RPH3AL: variants seen among roughly 807,000 people sequenced by gnomAD.
RPH3AL encodes the protein rabphilin 3A like (without C2 domains).
Under a neutral mutation model 43.1 loss-of-function variants are expected in RPH3AL, and 38 were observed. That is an observed-to-expected ratio of 0.88 (90% CI 0.68 to 1.15). The LOEUF is 1.15. RPH3AL is among the 50% of genes most tolerant of loss of function. The pLI, the probability that RPH3AL is intolerant of heterozygous loss-of-function variation, is 0.00. For synonymous variants in RPH3AL, 189 were observed against 176.3 expected, an observed-to-expected ratio of 1.07 and a Z score of -0.57; for missense variants, 462 against 423.2, an observed-to-expected ratio of 1.09 and a Z score of -0.81.
rs908736000 is a variant in RPH3AL, at chr17:333,644, G to A, written c.-37+115C>T. 2.7e-5 allele frequency: 6 copies of A among 223,580 alleles called. No individual in the cohort carries two copies. The highest frequency in any genetic ancestry group is 9.8e-5 in the East Asian group (1 of 10,158). The allele number at this position is 223,580 out of a possible 1,614,324, so 13.8% of individuals were successfully genotyped here. On this transcript the variant is annotated intron_variant, in intron 2 of 9. Transcript: ENST00000331302. This position sits in a 1 kb window ranked among gnomAD's most constrained non-coding sequence, Gnocchi z 4.5. ...ACATGGATTGTTTCCAATTTTGCTC[G>A]ATTATATGCAGCACTGAAATGGACA...
chr17:321,382 C>T lies in RPH3AL; in HGVS notation c.111G>A (p.Gln37=). 6.2e-7 allele frequency: 1 copy of T among 1,611,094 alleles called. No homozygotes were observed. Among genetic ancestry groups the T allele is most frequent in the South Asian group, 1.1e-5 (1 of 91,078 alleles). ...GCTGCTTCCTCCTCTGCTTCTCCGT[C>T]TGGTAGGTGTGCACGGACCAGCCCG... ...LQTGWSVHTY[Q]TEKQRRKQHL... Residue 37 remains glutamine (Q), a synonymous_variant, in exon 4 of 10, where the codon CAG becomes CAA. Transcript: ENST00000331302.
intron 7 of RPH3AL, among the ~76,000 whole-genome samples, chr17:238,246 C>A (rs1257900556): frequency 6.9e-6 from 1 of 144,714 alleles, no homozygotes. Flanking sequence ...GAGGGAGGGA[C>A]AGAAAGAGAG....
At chr17:295,719 C>G (rs368957458) in intron 5 of RPH3AL, among the ~76,000 whole-genome samples, 1 of 8,952 alleles carries the variant, frequency 1.1e-4, no homozygotes, top group Admixed American at 8.2e-4. Flanking sequence ...GGGAGGGACA[C>G]AGATGCTGCA....
intron 5 of RPH3AL, among the ~76,000 whole-genome samples, chr17:282,542 A>AC (rs981148758): frequency 2.6e-5 from 4 of 151,970 alleles, no homozygotes; most frequent in African/African-American, 9.7e-5. Context: ...GCCATCGAAG[A>AC]CCCCACGCCT....
chr17:316,048 T>C (rs1166902921), intron 5 of RPH3AL, among the ~76,000 whole-genome samples: 6 of 150,314 alleles, frequency 4.0e-5, no homozygotes, highest in African/African-American at 1.5e-4. Context: ...CTGTAGTCCC[T>C]GTGACTCCAC....
intron 5 of RPH3AL, among the ~76,000 whole-genome samples, chr17:282,873 T>C (rs546849507): frequency 2.0e-5 from 3 of 152,244 alleles, no homozygotes; most frequent in East Asian, 1.9e-4. Context: ...ATCATAGAAA[T>C]GGTACAGTAA....
chr17:227,529 C>T (rs1167739164), intron 7 of RPH3AL, among the ~76,000 whole-genome samples: 1 of 152,172 alleles, frequency 6.6e-6, no homozygotes, highest in African/African-American at 2.4e-5. Context: ...TCTCTGTGGC[C>T]CCAGGCATCT....
At chr17:253,746 A>C (rs959957913) in intron 6 of RPH3AL, among the ~76,000 whole-genome samples, 2 of 137,800 alleles carry the variant, frequency 1.5e-5, no homozygotes, top group Non-Finnish European at 3.2e-5. Context: ...TAGGAACGTG[A>C]CTACCCTACG....
chr17:323,829 C>T lies in RPH3AL; in HGVS notation c.78-2414G>A, dbSNP rs963651050. ...CCGGACCCTCCATCACCCCGCGAGA[C>T]AGTCCAGACCCTCAGTCACCTTGCG... On this transcript the variant is annotated intron_variant, in intron 3 of 9. Coordinates refer to ENST00000331302, the MANE Select transcript of RPH3AL (RefSeq NM_006987.4). The surrounding 1 kb of genome is among the most constrained non-coding windows in gnomAD (Gnocchi z 4.4). Among the ~76,000 whole-genome samples, 2 of 147,906 alleles carry T rather than the reference C, an allele frequency of 1.4e-5. No individual in the cohort carries two copies. The highest frequency in any genetic ancestry group is 3.0e-5 in the Non-Finnish European group (2 of 66,646).
At chr17:277,993 A>C (rs2042693969) in intron 6 of RPH3AL, among the ~76,000 whole-genome samples, 1 of 152,054 alleles carries the variant, frequency 6.6e-6, no homozygotes, top group South Asian at 2.1e-4. Flanking sequence ...CGAAACCCTA[A>C]GTCCTTACAA....
chr17:339,448 G>T (rs544181836), intron 1 of RPH3AL: 2 of 152,314 alleles, frequency 1.3e-5, no homozygotes, highest in Non-Finnish European at 2.9e-5. Flanking sequence ...CACGTGCCCA[G>T]CCTGACCCTG....
rs1234018013 is a variant in RPH3AL at position 245,412 on chromosome 17, T to C, written c.613+1699A>G. Among the ~76,000 whole-genome samples the C allele has an allele frequency of 1.3e-5, 2 of 149,448 alleles. No homozygotes were observed. Among genetic ancestry groups the C allele is most frequent in the Non-Finnish European group, 3.0e-5 (2 of 67,332 alleles). On this transcript the variant is annotated intron_variant, in intron 7 of 9. Coordinates refer to ENST00000331302, the MANE Select transcript of RPH3AL (RefSeq NM_006987.4). This position sits in a 1 kb window ranked among gnomAD's most constrained non-coding sequence, Gnocchi z 5.9. ...GTGTGTGGATATCAGTGTGTGTGTG[T>C]GCATGGTGATGTGTGTGTAGGTGTG...
intron 7 of RPH3AL, among the ~76,000 whole-genome samples, chr17:223,500 A>T (rs777679813): frequency 2.0e-5 from 3 of 152,206 alleles, no homozygotes; most frequent in Non-Finnish European, 4.4e-5. Context: ...CTTAGTGAGC[A>T]TCGTCTTCCA....
At chr17:294,863 G>A (rs1467704081) in intron 5 of RPH3AL, among the ~76,000 whole-genome samples, 1 of 58,502 alleles carries the variant, frequency 1.7e-5, no homozygotes, top group Non-Finnish European at 3.6e-5. Context: ...CAGTGTGGGA[G>A]GGACAGAGAT....
At chr17:271,254 T>A (rs2042456568) in intron 6 of RPH3AL, among the ~76,000 whole-genome samples, 1 of 152,254 alleles carries the variant, frequency 6.6e-6, no homozygotes, top group Admixed American at 6.5e-5. Context: ...GACTTGGCAA[T>A]GCGGGCTCTT....
chr17:263,880 G>T (rs782368827), intron 6 of RPH3AL, among the ~76,000 whole-genome samples: 1 of 152,170 alleles, frequency 6.6e-6, no homozygotes, highest in Non-Finnish European at 1.5e-5. Flanking sequence ...TAACCGCCCG[G>T]AGTCGGAATT....
intron 5 of RPH3AL, among the ~76,000 whole-genome samples, chr17:286,843 A>G (rs934604825): frequency 6.6e-5 from 10 of 152,012 alleles, no homozygotes; most frequent in Admixed American, 2.6e-4. Context: ...TCCGGGTGTT[A>G]AACGATGAAG....
rs540662132 is a variant in RPH3AL at position 264,075 on chromosome 17, C to T, written c.439-16790G>A. On this transcript the variant is annotated intron_variant, in intron 6 of 9. Coordinates refer to ENST00000331302, the MANE Select transcript of RPH3AL (RefSeq NM_006987.4). This position sits in a 1 kb window ranked among gnomAD's most constrained non-coding sequence, Gnocchi z 4.8. ...CAGATTTCAAAGCCACGATTTTGGCCGCGTGCGACAAGCCGGACTCTCCAA... is the reference window on the plus strand; with the variant it reads ...CAGATTTCAAAGCCACGATTTTGGCTGCGTGCGACAAGCCGGACTCTCCAA... Among the ~76,000 whole-genome samples the T allele has an allele frequency of 1.2e-3, 186 of 152,314 alleles. 1 individual carries two copies. Among genetic ancestry groups the T allele is most frequent in the Non-Finnish European group, 2.4e-3 (163 of 68,028 alleles).
At chr17:296,826 G>A (rs942647954) in intron 5 of RPH3AL, among the ~76,000 whole-genome samples, 2 of 152,232 alleles carry the variant, frequency 1.3e-5, no homozygotes, top group Non-Finnish European at 2.9e-5. Context: ...TTGAAACGTG[G>A]ATCAATGCTG....
Sources: gnomAD v4.1 joint callset for allele counts (sites outside exome capture counted in the v4.1 genomes callset) on GRCh38, gnomAD v4.1.1 for gene constraint, Gnocchi (gnomAD v3.1) non-coding constraint, MANE v1.5 for transcripts, NCBI Gene and HGNC (gene_info 2026-07-23, HGNC 2026-07-21) for gene names.